The following ARHGAP24 variants were observed in gnomAD, a reference collection of about 807,000 sequenced individuals.
ARHGAP24 encodes the protein rho GTPase-activating protein 24.
ARHGAP24 carries 50 observed loss-of-function variants against 76.4 expected under a neutral mutation model. That is an observed-to-expected ratio of 0.65 (90% CI 0.52 to 0.83). The LOEUF is 0.83. Among genes scored for constraint, ARHGAP24 ranks in the 40% least tolerant of loss-of-function variants. The pLI is 0.00. For missense variants in ARHGAP24, 930 were observed against 914.2 expected (o/e 1.02, Z -0.22); for synonymous variants, 345 against 323.3 (o/e 1.07, Z -0.72).
intron 2 of ARHGAP24, among the ~76,000 whole-genome samples, chr4:85,632,601 G>T (rs1018839732): frequency 6.6e-6 from 1 of 151,512 alleles, no homozygotes; most frequent in East Asian, 1.9e-4. Flanking sequence ...CTTTTATATC[G>T]TGTATACACA....
At chr4:85,617,223 T>A (rs1329101536) in intron 2 of ARHGAP24, among the ~76,000 whole-genome samples, 2 of 148,502 alleles carry the variant, frequency 1.3e-5, no homozygotes, top group Admixed American at 1.4e-4. Flanking sequence ...GTTGAATATA[T>A]CTATATATTT....
At chr4:85,800,100 G>A (rs1728515983) in intron 3 of ARHGAP24, among the ~76,000 whole-genome samples, 1 of 152,160 alleles carries the variant, frequency 6.6e-6, no homozygotes, top group African/African-American at 2.4e-5. Context: ...CTGTAGTGTA[G>A]TTTATAATAC....
At chr4:85,972,303 A>G (rs114221758) in intron 6 of ARHGAP24, 135 bp downstream of exon 6, 41 of 1,157,604 alleles carry the variant, frequency 3.5e-5, no homozygotes, top group Non-Finnish European at 4.6e-5. Flanking sequence ...CCTCACACAC[A>G]CTGAGACTTT....
At chr4:85,984,498 G>T (rs1383032520) in intron 8 of ARHGAP24, among the ~76,000 whole-genome samples, 1 of 152,060 alleles carries the variant, frequency 6.6e-6, no homozygotes, top group African/African-American at 2.4e-5. Flanking sequence ...ATTTATGAGG[G>T]CTGCCATGAC....
chr4:85,536,869 G>A (rs1208841549), intron 1 of ARHGAP24, among the ~76,000 whole-genome samples: 1 of 152,020 alleles, frequency 6.6e-6, no homozygotes, highest in African/African-American at 2.4e-5. Flanking sequence ...AGCAATAAAA[G>A]CATATCAACA....
intron 3 of ARHGAP24, among the ~76,000 whole-genome samples, chr4:85,832,238 G>C (rs1182393409): frequency 6.6e-6 from 1 of 152,222 alleles, no homozygotes; most frequent in East Asian, 1.9e-4. Flanking sequence ...GGTGGTCTCA[G>C]TGGTGTAGGG....
chr4:85,854,151 A>AAAAAG, intron 3 of ARHGAP24, among the ~76,000 whole-genome samples: 1 of 151,248 alleles, frequency 6.6e-6, no homozygotes, highest in African/African-American at 2.4e-5. Flanking sequence ...AAAAAAAAAA[A>AAAAAG]AAAAGAAAAA....
intron 2 of ARHGAP24, among the ~76,000 whole-genome samples, chr4:85,643,274 C>T (rs1240539110): frequency 2.0e-5 from 1 of 49,346 alleles, no homozygotes; most frequent in Non-Finnish European, 3.6e-5. Flanking sequence ...TTTTTTGAGA[C>T]GGAGTCTCGC....
At chr4:85,495,195 G>A (rs866091287) in intron 1 of ARHGAP24, among the ~76,000 whole-genome samples, 1 of 151,704 alleles carries the variant, frequency 6.6e-6, no homozygotes, top group African/African-American at 2.4e-5. Context: ...AAATGACCGA[G>A]TATGAACAGT....
chr4:85,868,361 C>A (rs1352149153), intron 3 of ARHGAP24, among the ~76,000 whole-genome samples: 1 of 152,052 alleles, frequency 6.6e-6, no homozygotes, highest in Non-Finnish European at 1.5e-5. Context: ...CTATTCAGAC[C>A]TTTAAAAGGT....
chr4:85,980,517 A>G (rs1448843749), intron 8 of ARHGAP24, among the ~76,000 whole-genome samples: 1 of 152,196 alleles, frequency 6.6e-6, no homozygotes, highest in Admixed American at 6.5e-5. Flanking sequence ...CAGTATGGTT[A>G]CTGCAAAATT....
In ARHGAP24 at chr4:85,972,054, G is replaced by A. The variant is rs1250771908; in HGVS notation, c.618G>A (p.Thr206=). The change falls in exon 6 of 10, where the codon ACG becomes ACA. Residue 206 remains threonine, a synonymous_variant. Coordinates refer to ENST00000395184, the MANE Select transcript of ARHGAP24 (RefSeq NM_001025616.3). The part of the protein sequence containing the change: ...PSFDSNTDVH[T]VASLLKLYLR... ...TCCACAGCAACACAGATGTACACAC[G>A]GTGGCATCACTTCTTAAGCTGTACC... is the stretch of plus-strand genomic sequence containing the variant. 5 of 1,613,792 alleles carry A rather than the reference G, an allele frequency of 3.1e-6. No individual in the cohort carries two copies. The highest frequency in any genetic ancestry group is 2.2e-5 in the East Asian group (1 of 44,872).
chr4:85,505,457 T>A (rs2110101998), intron 1 of ARHGAP24, among the ~76,000 whole-genome samples: 1 of 152,318 alleles, frequency 6.6e-6, no homozygotes, highest in Middle Eastern at 3.4e-3. Flanking sequence ...TCTTCTCACT[T>A]TATTTTATTA....
At chr4:85,860,601 A>T (rs1418568685) in intron 3 of ARHGAP24, among the ~76,000 whole-genome samples, 1 of 152,102 alleles carries the variant, frequency 6.6e-6, no homozygotes, top group Non-Finnish European at 1.5e-5. Context: ...GGCATTAAAA[A>T]TAACTGAAAT....
At chr4:85,693,292 C>A (rs1273052639) in intron 2 of ARHGAP24, among the ~76,000 whole-genome samples, 1 of 152,140 alleles carries the variant, frequency 6.6e-6, no homozygotes, top group Admixed American at 6.5e-5. Context: ...ATCAACATTT[C>A]TTTTGTTAGG....
intron 1 of ARHGAP24, among the ~76,000 whole-genome samples, chr4:85,492,066 C>T (rs1207271864): frequency 2.6e-5 from 4 of 151,670 alleles, no homozygotes; most frequent in East Asian, 1.9e-4. Context: ...CTCTTCCTCC[C>T]GTATTTCCTC....
chr4:85,923,796 A>G, intron 4 of ARHGAP24, 26 bp downstream of exon 4: 5 of 1,613,712 alleles, frequency 3.1e-6, no homozygotes, highest in Non-Finnish European at 4.2e-6. Context: ...AATCATGGAA[A>G]AACAGAAAGG....
Position 85,930,820 on chromosome 4 carries a change from C to T in ARHGAP24, c.391+7050C>T, listed in dbSNP as rs1226889216. On this transcript the variant is annotated intron_variant, in intron 4 of 9. Coordinates refer to ENST00000395184, the MANE Select transcript of ARHGAP24 (RefSeq NM_001025616.3). ...ATCAAAACCTTCAAATTCTAGGGAT[C>T]AGCACTTCAAAAATAACAAGTAAAC... 68 of 1,558,796 alleles carry T rather than the reference C, an allele frequency of 4.4e-5. No homozygotes were observed. In the East Asian group the frequency reaches 1.6e-3, roughly 36 times the overall value.
At chr4:85,950,627 TTTC>T (rs1224191146) in intron 5 of ARHGAP24, among the ~76,000 whole-genome samples, 1 of 151,826 alleles carries the variant, frequency 6.6e-6, no homozygotes, top group Non-Finnish European at 1.5e-5. Context: ...AATAATTTTT[TTTC>T]TTTTTCTTTT....
Sources: gnomAD v4.1 joint callset for allele counts (sites outside exome capture counted in the v4.1 genomes callset) on GRCh38, gnomAD v4.1.1 for gene constraint, MANE v1.5 for transcripts, NCBI Gene and HGNC (gene_info 2026-07-23, HGNC 2026-07-21) for gene names.